The following ATRNL1 variants were observed in gnomAD, a reference collection of about 807,000 sequenced individuals.
ATRNL1 encodes the protein attractin-like protein 1.
Under a neutral mutation model 182.7 loss-of-function variants are expected in ATRNL1, and 95 were observed. That is an observed-to-expected ratio of 0.52 (90% CI 0.44 to 0.62). The LOEUF (loss-of-function observed/expected upper bound fraction) is 0.62. Ranked by LOEUF, ATRNL1 falls within the 20% of genes least tolerant of loss-of-function variation. The pLI is 0.00. For missense variants in ATRNL1, 1,471 were observed against 1,679.5 expected (o/e 0.88, Z 2.17); for synonymous variants, 576 against 568.3 (o/e 1.01, Z -0.19).
At chr10:115,543,493 A>C (rs1328004234) in intron 25 of ATRNL1, among the ~76,000 whole-genome samples, 1 of 152,156 alleles carries the variant, frequency 6.6e-6, no homozygotes, top group Non-Finnish European at 1.5e-5. Flanking sequence ...CCTGTTTCTA[A>C]CATTTTTCAG....
At chr10:115,635,684 T>A (rs1032309848) in intron 26 of ATRNL1, among the ~76,000 whole-genome samples, 1 of 152,172 alleles carries the variant, frequency 6.6e-6, no homozygotes, top group Non-Finnish European at 1.5e-5. Flanking sequence ...CATACAAGTA[T>A]GCTCATAATA....
chr10:115,379,655 A>G (rs1344513727), intron 19 of ATRNL1, among the ~76,000 whole-genome samples: 1 of 152,198 alleles, frequency 6.6e-6, no homozygotes, highest in Non-Finnish European at 1.5e-5. Context: ...ACATATTACT[A>G]ATATATCACG....
intron 26 of ATRNL1, among the ~76,000 whole-genome samples, chr10:115,718,199 T>A (rs1326292635): frequency 5.3e-5 from 8 of 152,222 alleles, no homozygotes; most frequent in African/African-American, 1.9e-4. Context: ...GTGTGCCTAT[T>A]CTGATTAACT....
chr10:115,275,123 G>C (rs956494381), intron 13 of ATRNL1, among the ~76,000 whole-genome samples: 2 of 152,004 alleles, frequency 1.3e-5, no homozygotes, highest in Non-Finnish European at 1.5e-5. Context: ...TTGGCTTTTC[G>C]CTCCGTAATT....
intron 22 of ATRNL1, among the ~76,000 whole-genome samples, chr10:115,462,476 A>G (rs927844235): frequency 2.0e-5 from 3 of 151,900 alleles, no homozygotes; most frequent in African/African-American, 7.3e-5. Context: ...GCTAGGCATG[A>G]TGGTGCGCGC....
chr10:115,131,441 G>GC (rs1346768838), intron 5 of ATRNL1, among the ~76,000 whole-genome samples: 8 of 152,104 alleles, frequency 5.3e-5, no homozygotes, highest in Admixed American at 5.2e-4. Flanking sequence ...CAAATTATGT[G>GC]CAGACTGGTT....
At chr10:115,416,199 T>C (rs661940) in intron 20 of ATRNL1, among the ~76,000 whole-genome samples, 15,154 of 152,058 alleles carry the variant, frequency 0.1, 2,517 homozygotes, top group African/African-American at 0.34. Flanking sequence ...TTTCCACTTA[T>C]TTACATCTAC....
At chr10:115,283,283 G>GGGCACCTGTAATTTCAGCTACTCGGGA (rs1554917615) in intron 14 of ATRNL1, among the ~76,000 whole-genome samples, 1 of 151,806 alleles carries the variant, frequency 6.6e-6, no homozygotes, top group Admixed American at 6.6e-5. Context: ...GTGTGGTGGT[G>GGGCACCTGTAATTTCAGCTACTCGGGA]GGCACCTGTA....
intron 28 of ATRNL1, among the ~76,000 whole-genome samples, chr10:115,868,155 T>C (rs1307021575): frequency 6.6e-6 from 1 of 152,190 alleles, no homozygotes; most frequent in Non-Finnish European, 1.5e-5. Flanking sequence ...CAAATGTATA[T>C]ATTCGAGTGA....
Position 115,165,541 on chromosome 10 carries a change from T to G in ATRNL1, c.1005-17T>G, listed in dbSNP as rs377055162. The G allele has an allele frequency of 3.4e-4, 469 of 1,394,222 alleles. No homozygotes were observed. The highest frequency in any genetic ancestry group is 4.2e-4 in the Non-Finnish European group (436 of 1,037,098). The allele number at this position is 1,394,222 out of a possible 1,614,324, so 86.4% of individuals were successfully genotyped here. ...TGAATCTTAGCTTATGAAGTTATTTTCTTTTCTTGCTTTTAGTTACAATTT... is the reference window on the plus strand; with the variant it reads ...TGAATCTTAGCTTATGAAGTTATTTGCTTTTCTTGCTTTTAGTTACAATTT... On this transcript the variant is annotated splice_polypyrimidine_tract_variant and intron_variant, in intron 6 of 28. Transcript: ENST00000355044.
chr10:115,777,831 A>G (rs1555078343), intron 27 of ATRNL1, among the ~76,000 whole-genome samples: 1 of 152,176 alleles, frequency 6.6e-6, no homozygotes, highest in Non-Finnish European at 1.5e-5. Context: ...TAAAACATGT[A>G]ACAAAGAAGT....
At chr10:115,454,559 G>T (rs547956943) in intron 21 of ATRNL1, among the ~76,000 whole-genome samples, 1 of 152,058 alleles carries the variant, frequency 6.6e-6, no homozygotes, top group East Asian at 1.9e-4. Context: ...TTATTTATTT[G>T]TGTTTAATTT....
chr10:115,677,183 A>T (rs1945891423), intron 26 of ATRNL1, among the ~76,000 whole-genome samples: 1 of 152,158 alleles, frequency 6.6e-6, no homozygotes, highest in Non-Finnish European at 1.5e-5. Context: ...ACATAGTCTC[A>T]TGGGCTAAAA....
rs1260916349 is a variant in ATRNL1 at position 115,119,261 on chromosome 10, TC to T, written c.294-918del. On this transcript the variant is annotated intron_variant, in intron 1 of 28. Coordinates refer to ENST00000355044, the MANE Select transcript of ATRNL1 (RefSeq NM_207303.4). ...CCTGATTTAGGTAAATTAAAGTTTT[TC>T]CCCCCTAATGTATTTAAGGCTCTAT... Among the ~76,000 whole-genome samples the T allele has an allele frequency of 3.6e-4, 55 of 151,980 alleles. 1 individual carries two copies. The highest frequency in any genetic ancestry group is 1.4e-3 in the Admixed American group (21 of 15,256).
rs782197473 is a variant in ATRNL1, at chr10:115,193,559, A to G, written c.1349-22138A>G. Among the ~76,000 whole-genome samples the G allele has an allele frequency of 4.0e-5, 6 of 151,772 alleles. No homozygotes were observed. The Middle Eastern group carries it at 0.01, about 258-fold the overall frequency. On this transcript the variant is annotated intron_variant, in intron 8 of 28. Transcript: ENST00000355044. ...TTGATTTTCTGTGGTATCCCTTGTA[A>G]TGTCTCCTTTTTCATCTCTGATTTT... is the stretch of plus-strand genomic sequence containing the variant.
intron 9 of ATRNL1, among the ~76,000 whole-genome samples, chr10:115,218,054 A>G (rs1391220970): frequency 1.3e-5 from 2 of 152,010 alleles, no homozygotes; most frequent in Non-Finnish European, 1.5e-5. Flanking sequence ...ATTGAAGTGC[A>G]TTATATTTAT....
chr10:115,781,809 G>A (rs1338555294), intron 27 of ATRNL1, among the ~76,000 whole-genome samples: 2 of 152,092 alleles, frequency 1.3e-5, no homozygotes, highest in Non-Finnish European at 2.9e-5. Context: ...ATAGTTTTCT[G>A]TATAAGCTAT....
In ATRNL1 at chr10:115,286,207, T is replaced by G; in HGVS notation, c.2234-9T>G. ...ATCTAACAATAAGACACATTTTTTT[T>G]CTTACTAGCTCATCTTTGTGGAGAA... is the stretch of plus-strand genomic sequence containing the variant. On this transcript the variant is annotated splice_polypyrimidine_tract_variant and intron_variant, in intron 14 of 28. Coordinates refer to ENST00000355044, the MANE Select transcript of ATRNL1 (RefSeq NM_207303.4). The G allele has an allele frequency of 6.9e-7, 1 of 1,454,256 alleles. No individual in the cohort carries two copies. Among genetic ancestry groups the G allele is most frequent in the Non-Finnish European group, 9.5e-7 (1 of 1,055,214 alleles). The allele number at this position is 1,454,256 out of a possible 1,614,324, so 90.1% of individuals were successfully genotyped here. A position where few individuals can be genotyped will look rare whatever the true frequency, so the allele number is the denominator to read the frequency against.
chr10:115,218,708 C>T (rs186908632), intron 9 of ATRNL1, among the ~76,000 whole-genome samples: 2 of 152,308 alleles, frequency 1.3e-5, no homozygotes, highest in Non-Finnish European at 2.9e-5. Flanking sequence ...AATGCAGCCA[C>T]TTTACCTGCC....
Sources: allele counts gnomAD v4.1 joint callset (sites outside exome capture counted in the v4.1 genomes callset), GRCh38; gene constraint gnomAD v4.1.1; transcripts MANE v1.5; gene names NCBI Gene and HGNC (gene_info 2026-07-23, HGNC 2026-07-21).